Variants in PIEZO2 observed in about 807,000 individuals in gnomAD.
PIEZO2 encodes piezo type mechanosensitive ion channel component 2.
PIEZO2 carries 172 observed loss-of-function variants against 337.3 expected under a neutral mutation model. The observed-to-expected ratio is 0.51, with a 90% CI of 0.45 to 0.58. PIEZO2 has a LOEUF of 0.58. Ranked by LOEUF, PIEZO2 falls within the 20% of genes least tolerant of loss-of-function variation. PIEZO2 has a pLI of 0.00. For missense variants in PIEZO2, 3,028 were observed against 3,391.3 expected, an observed-to-expected ratio of 0.89 and a Z score of 2.66; for synonymous variants, 1,251 against 1,228.5, an observed-to-expected ratio of 1.02 and a Z score of -0.38.
intron 2 of PIEZO2, among the ~76,000 whole-genome samples, chr18:11,062,286 G>C (rs967844887): frequency 5.3e-5 from 8 of 151,942 alleles, no homozygotes; most frequent in Admixed American, 2.0e-4. Flanking sequence ...TTAAATGTTA[G>C]ACCTAAAACC....
intron 1 of PIEZO2, among the ~76,000 whole-genome samples, chr18:11,142,589 G>A (rs1449743789): frequency 6.6e-6 from 1 of 152,014 alleles, no homozygotes; most frequent in Non-Finnish European, 1.5e-5. Flanking sequence ...AAACCAGCCT[G>A]GCCAACATGG....
intron 18 of PIEZO2, among the ~76,000 whole-genome samples, chr18:10,777,293 T>C (rs561395344): frequency 6.6e-6 from 1 of 152,332 alleles, no homozygotes; most frequent in African/African-American, 2.4e-5. Context: ...AAGTATTTGT[T>C]TGTGTCTTCA....
rs1244246823 is a variant in PIEZO2 at position 10,870,128 on chromosome 18, G to A, written c.492+1125C>T. The stretch of plus-strand genomic sequence containing the variant: ...TGACCTCAGGTGATCTGCCCACCTG[G>A]GCCTCCCAAGGTGCTGGGATTACAG... On this transcript the variant is annotated intron_variant, in intron 5 of 55. Transcript: ENST00000674853. This position sits in a 1 kb window ranked among gnomAD's most constrained non-coding sequence, Gnocchi z 5.3. 6.6e-6 allele frequency among the ~76,000 whole-genome samples: 1 copy of A among 152,112 alleles called. No individual in the cohort carries two copies. The highest frequency in any genetic ancestry group is 1.5e-5 in the Non-Finnish European group (1 of 68,020).
intron 2 of PIEZO2, among the ~76,000 whole-genome samples, chr18:11,057,545 T>A (rs1202845866): frequency 4.6e-5 from 7 of 152,208 alleles, no homozygotes; most frequent in African/African-American, 1.7e-4. Flanking sequence ...AAACAATAGC[T>A]TGGATTTGCA....
At chr18:10,892,037 A>G (rs1344642370) in intron 4 of PIEZO2, among the ~76,000 whole-genome samples, 2 of 152,172 alleles carry the variant, frequency 1.3e-5, no homozygotes, top group Non-Finnish European at 2.9e-5. Flanking sequence ...CTGAAGATAG[A>G]ACAGCCAATT....
rs558462506 is a variant in PIEZO2 at position 10,954,559 on chromosome 18, T to C, written c.286+24976A>G. 2.0e-5 allele frequency among the ~76,000 whole-genome samples: 3 copies of C among 152,336 alleles called. No homozygotes were observed. The highest frequency in any genetic ancestry group is 7.2e-5 in the African/African-American group (3 of 41,568). On this transcript the variant is annotated intron_variant, in intron 3 of 55. Transcript: ENST00000674853. This position sits in a 1 kb window ranked among gnomAD's most constrained non-coding sequence, Gnocchi z 4.2. ...CATTGATGGTGTCTCTGCATATTTA[T>C]GTGGGTAAGGGAATCCTTCATAGAT...
Position 10,727,630 on chromosome 18 carries a change from GCACACA to G in PIEZO2, c.5029+3771_5029+3776del. 6.6e-6 allele frequency: 1 copy of G among 150,422 alleles called. No individual in the cohort carries two copies. The highest frequency in any genetic ancestry group is 1.5e-5 in the Non-Finnish European group (1 of 67,602). The allele number at this position is 150,422 out of a possible 1,614,324, so 9.3% of individuals were successfully genotyped here. On this transcript the variant is annotated intron_variant, in intron 36 of 55. Transcript: ENST00000674853. The surrounding 1 kb of genome is among the most constrained non-coding windows in gnomAD (Gnocchi z 6.3). ...TTTCCTAGCCCCACTCCCATTACAC[GCACACA>G]CACACACACACATACAGAGTGATTC...
At chr18:10,820,654 CT>C (rs560565787) in intron 7 of PIEZO2, among the ~76,000 whole-genome samples, 49 of 152,222 alleles carry the variant, frequency 3.2e-4, no homozygotes, top group Admixed American at 1.6e-3. Flanking sequence ...TGAGTTTTCT[CT>C]TGCTTTTTCA....
rs1206197946 is a variant in PIEZO2, at chr18:10,859,353, G to A, written c.493-2142C>T. 6.6e-6 allele frequency among the ~76,000 whole-genome samples: 1 copy of A among 152,160 alleles called. No homozygotes were observed. Among genetic ancestry groups the A allele is most frequent in the Non-Finnish European group, 1.5e-5 (1 of 68,018 alleles). On this transcript the variant is annotated intron_variant, in intron 5 of 55. Coordinates refer to ENST00000674853, the MANE Select transcript of PIEZO2 (RefSeq NM_001378183.1). The surrounding 1 kb of genome is among the most constrained non-coding windows in gnomAD (Gnocchi z 4.9). Reference sequence around the variant, plus strand: ...TCAGAGGATGACCTTGCTTTCTACTGCTCCCAGAGAGGAGCTGCCAGCTCC... The same window carrying A: ...TCAGAGGATGACCTTGCTTTCTACTACTCCCAGAGAGGAGCTGCCAGCTCC...
At position 11,109,227 on chromosome 18, in the gene PIEZO2, C is replaced by T. The variant is rs375572907; in HGVS notation, c.64+39298G>A. On this transcript the variant is annotated intron_variant, in intron 1 of 55. Transcript: ENST00000674853. This position sits in a 1 kb window ranked among gnomAD's most constrained non-coding sequence, Gnocchi z 5.1. ...GAAGTGCAGCTGGAGATTTTATTAG[C>T]ACTTTATGGTCCACATGATCATTTA... Among the ~76,000 whole-genome samples, 4 of 152,196 alleles carry T rather than the reference C, an allele frequency of 2.6e-5. No homozygotes were observed. The highest frequency in any genetic ancestry group is 5.9e-5 in the Non-Finnish European group (4 of 68,038).
intron 8 of PIEZO2, among the ~76,000 whole-genome samples, chr18:10,805,222 T>C (rs1275039890): frequency 6.6e-6 from 1 of 152,218 alleles, no homozygotes; most frequent in African/African-American, 2.4e-5. Context: ...AAGAGTTTGT[T>C]CAGAAATAGT....
Position 10,855,323 on chromosome 18 carries a change from T to C in PIEZO2, c.917+30A>G, listed in dbSNP as rs1158271896. 6.6e-7 allele frequency: 1 copy of C among 1,504,030 alleles called. No homozygotes were observed. The highest frequency in any genetic ancestry group is 1.7e-4 in the Middle Eastern group (1 of 5,900). The allele number at this position is 1,504,030 out of a possible 1,614,324, so 93.2% of individuals were successfully genotyped here. ...CCCAAAGGCGTGGGGGGACAACCTCTCCTGGAAATGCCATAAGGATTTCTC... is the reference window on the plus strand; with the variant it reads ...CCCAAAGGCGTGGGGGGACAACCTCCCCTGGAAATGCCATAAGGATTTCTC... On this transcript the variant is annotated intron_variant, in intron 7 of 55. Coordinates refer to ENST00000674853, the MANE Select transcript of PIEZO2 (RefSeq NM_001378183.1). This position sits in a 1 kb window ranked among gnomAD's most constrained non-coding sequence, Gnocchi z 4.9.
At chr18:10,936,251 T>A (rs547329469) in intron 3 of PIEZO2, among the ~76,000 whole-genome samples, 1 of 152,308 alleles carries the variant, frequency 6.6e-6, no homozygotes, top group African/African-American at 2.4e-5. Context: ...AGTTTTAGCA[T>A]CTGAGTTCTG....
rs1023999561 is a variant in PIEZO2, at chr18:10,993,407, T to C, written c.161-13747A>G. Among the ~76,000 whole-genome samples the C allele has an allele frequency of 6.6e-6, 1 of 152,066 alleles. No homozygotes were observed. The highest frequency in any genetic ancestry group is 1.5e-5 in the Non-Finnish European group (1 of 68,020). On this transcript the variant is annotated intron_variant, in intron 2 of 55. Transcript: ENST00000674853. This position sits in a 1 kb window ranked among gnomAD's most constrained non-coding sequence, Gnocchi z 5.0. ...CTATTGATACCTAGTTTATTGAGAGTTTTTAGCATGAAGGGGTGTTGAATT... is the reference window on the plus strand; with the variant it reads ...CTATTGATACCTAGTTTATTGAGAGCTTTTAGCATGAAGGGGTGTTGAATT...
intron 1 of PIEZO2, among the ~76,000 whole-genome samples, chr18:11,108,848 G>A (rs1204755275): frequency 6.6e-6 from 1 of 151,968 alleles, no homozygotes; most frequent in Non-Finnish European, 1.5e-5. Flanking sequence ...CTCTTCACAC[G>A]GTCCCTCCAG....
chr18:10,921,276 G>A (rs2031380043), intron 3 of PIEZO2, among the ~76,000 whole-genome samples: 1 of 152,070 alleles, frequency 6.6e-6, no homozygotes, highest in African/African-American at 2.4e-5. Context: ...GAGACAATGA[G>A]GACAGACTTC....
intron 53 of PIEZO2, among the ~76,000 whole-genome samples, chr18:10,675,497 C>T (rs891525606): frequency 6.6e-6 from 1 of 152,204 alleles, no homozygotes; most frequent in Admixed American, 6.5e-5. Flanking sequence ...TTATCTGTAT[C>T]TGCATGTAAG....
At chr18:10,923,921 A>G (rs539161056) in intron 3 of PIEZO2, among the ~76,000 whole-genome samples, 5 of 152,188 alleles carry the variant, frequency 3.3e-5, no homozygotes, top group African/African-American at 1.2e-4. Flanking sequence ...CTCTAAAATG[A>G]AGGTCAACAC....
chr18:11,010,322 G>A (rs2035850919), intron 2 of PIEZO2, among the ~76,000 whole-genome samples: 2 of 152,170 alleles, frequency 1.3e-5, no homozygotes, highest in Admixed American at 1.3e-4. Context: ...CATCCAAAAT[G>A]CTGCCTGTAT....
Sources: gnomAD v4.1 joint callset for allele counts (sites outside exome capture counted in the v4.1 genomes callset) on GRCh38, gnomAD v4.1.1 for gene constraint, Gnocchi (gnomAD v3.1) non-coding constraint, MANE v1.5 for transcripts, NCBI Gene and HGNC (gene_info 2026-07-23, HGNC 2026-07-21) for gene names.